ATF1: variants seen among roughly 807,000 people sequenced by gnomAD.
ATF1 encodes activating transcription factor 1, also known as cyclic AMP-dependent transcription factor ATF-1.
In ATF1, 16 loss-of-function variants were observed where a neutral mutation model predicts 34.7. The observed-to-expected ratio is 0.46, with a 90% confidence interval of 0.31 to 0.70. The LOEUF is 0.70. Among genes scored for constraint, ATF1 ranks in the 30% least tolerant of loss-of-function variants. ATF1 has a pLI of 0.05. For missense variants in ATF1, 255 were observed against 321.6 expected, an observed-to-expected ratio of 0.79 and a Z score of 1.58; for synonymous variants, 105 against 113.1, an observed-to-expected ratio of 0.93 and a Z score of 0.46.
intron 4 of ATF1, 73 bp downstream of exon 4, chr12:50,809,662 G>C (rs1268697000): frequency 6.9e-7 from 1 of 1,443,048 alleles, no homozygotes; most frequent in African/African-American, 1.4e-5. Context: ...AATGGTGTTA[G>C]GAAAACTGTA....
intron 3 of ATF1, among the ~76,000 whole-genome samples, chr12:50,804,273 C>T (rs1941571366): frequency 6.6e-6 from 1 of 152,062 alleles, no homozygotes; most frequent in Admixed American, 6.6e-5. Context: ...ATAAGATAGA[C>T]TTCAGAATAA....
At chr12:50,811,281 T>C (rs1044516061) in intron 4 of ATF1, among the ~76,000 whole-genome samples, 2 of 152,202 alleles carry the variant, frequency 1.3e-5, no homozygotes, top group African/African-American at 4.8e-5. Context: ...ACTAAGTCAG[T>C]ACATATTAGT....
At chr12:50,772,473 T>C (rs1006176596) in intron 1 of ATF1, among the ~76,000 whole-genome samples, 6 of 152,040 alleles carry the variant, frequency 3.9e-5, no homozygotes, top group Admixed American at 6.6e-5. Context: ...ATTATAGGCA[T>C]GTGCCACCAC....
intron 1 of ATF1, among the ~76,000 whole-genome samples, chr12:50,772,158 C>T (rs1034110119): frequency 2.6e-5 from 4 of 152,050 alleles, no homozygotes; most frequent in African/African-American, 9.7e-5. Flanking sequence ...GTAACAATAG[C>T]GTCTCACTGT....
intron 3 of ATF1, among the ~76,000 whole-genome samples, chr12:50,798,797 C>A (rs890562219): frequency 2.0e-5 from 3 of 152,156 alleles, no homozygotes; most frequent in African/African-American, 7.2e-5. Flanking sequence ...ACAATACAGT[C>A]AACTCAATAA....
chr12:50,800,842 G>A (rs1251558894), intron 3 of ATF1, among the ~76,000 whole-genome samples: 1 of 152,228 alleles, frequency 6.6e-6, no homozygotes, highest in African/African-American at 2.4e-5. Context: ...GCTCATGCCT[G>A]TAATCCCAGC....
intron 3 of ATF1, among the ~76,000 whole-genome samples, chr12:50,806,020 G>A (rs1436555279): frequency 2.6e-5 from 4 of 152,070 alleles, no homozygotes; most frequent in East Asian, 1.9e-4. Flanking sequence ...GTGTGGTGGC[G>A]CACGCCTGTA....
At chr12:50,777,204 TAAATG>T (rs2139645892) in intron 1 of ATF1, among the ~76,000 whole-genome samples, 1 of 152,266 alleles carries the variant, frequency 6.6e-6, no homozygotes, top group Admixed American at 6.5e-5. Flanking sequence ...ATATGTATGA[TAAATG>T]AAAACAGGAT....
chr12:50,789,762 C>T (rs527378630), intron 2 of ATF1, among the ~76,000 whole-genome samples: 1 of 151,634 alleles, frequency 6.6e-6, no homozygotes, highest in South Asian at 2.1e-4. Flanking sequence ...CTGCGCCCTC[C>T]CACCAAAAAA....
intron 2 of ATF1, among the ~76,000 whole-genome samples, chr12:50,789,698 G>A (rs548000567): frequency 1.3e-5 from 2 of 152,104 alleles, no homozygotes; most frequent in East Asian, 3.9e-4. Context: ...GAGGTTGCAG[G>A]GAGCCGAGAT....
At chr12:50,804,753 A>T in intron 3 of ATF1, among the ~76,000 whole-genome samples, 1 of 152,214 alleles carries the variant, frequency 6.6e-6, no homozygotes, top group Non-Finnish European at 1.5e-5. Flanking sequence ...TACAGTCAGA[A>T]AATCAGAAAG....
chr12:50,794,284 C>T (rs1184083866), intron 2 of ATF1, among the ~76,000 whole-genome samples: 1 of 148,184 alleles, frequency 6.7e-6, no homozygotes, highest in Non-Finnish European at 1.5e-5. Flanking sequence ...AAGATGAAGT[C>T]GGCCAGGCAC....
At chr12:50,802,636 G>A (rs766725669) in intron 3 of ATF1, among the ~76,000 whole-genome samples, 7 of 151,988 alleles carry the variant, frequency 4.6e-5, no homozygotes, top group Admixed American at 4.6e-4. Flanking sequence ...ACTTTGGGAG[G>A]TCAAGGTGGG....
At chr12:50,782,132 C>G (rs951950172) in intron 2 of ATF1, among the ~76,000 whole-genome samples, 1 of 152,070 alleles carries the variant, frequency 6.6e-6, no homozygotes, top group Non-Finnish European at 1.5e-5. Context: ...AATTGCATAT[C>G]TATGTGAGGG....
At chr12:50,786,696 G>A (rs1448273984) in intron 2 of ATF1, among the ~76,000 whole-genome samples, 8 of 152,170 alleles carry the variant, frequency 5.3e-5, no homozygotes, top group Admixed American at 5.2e-4. Context: ...GGAACGGCAG[G>A]AAACTGTTAA....
In ATF1 at chr12:50,780,258, A is replaced by C. The variant is rs1050698904; in HGVS notation, c.93+20A>C. On this transcript the variant is annotated intron_variant, in intron 2 of 6. Coordinates refer to ENST00000262053, the MANE Select transcript of ATF1 (RefSeq NM_005171.5). ...CAACAGGTAAGGGAGGGACTGGCCA[A>C]AATACTGAGCTTGTTAGGAATATTT... is the stretch of plus-strand genomic sequence containing the variant. 2 of 1,534,066 alleles carry C rather than the reference A, an allele frequency of 1.3e-6. No individual in the cohort carries two copies. The highest frequency in any genetic ancestry group is 2.7e-5 in the African/African-American group (2 of 73,010).
chr12:50,780,933 C>G (rs769793516), intron 2 of ATF1, among the ~76,000 whole-genome samples: 6 of 151,858 alleles, frequency 4.0e-5, no homozygotes, highest in Non-Finnish European at 7.4e-5. Flanking sequence ...GCACTCCAGC[C>G]TGGGCAATAG....
intron 2 of ATF1, among the ~76,000 whole-genome samples, chr12:50,783,109 G>A (rs928042237): frequency 7.9e-5 from 12 of 152,144 alleles, no homozygotes; most frequent in Non-Finnish European, 1.6e-4. Context: ...ATGGTAACGT[G>A]TAATGGATTG....
intron 4 of ATF1, among the ~76,000 whole-genome samples, chr12:50,810,749 C>T (rs1941720468): frequency 6.6e-6 from 1 of 152,114 alleles, no homozygotes; most frequent in East Asian, 1.9e-4. Context: ...AATATATGTC[C>T]CATCTGACCA....
Sources: gnomAD v4.1 joint callset for allele counts (sites outside exome capture counted in the v4.1 genomes callset) on GRCh38, gnomAD v4.1.1 for gene constraint, MANE v1.5 for transcripts, NCBI Gene and HGNC (gene_info 2026-07-23, HGNC 2026-07-21) for gene names.